DIAPH2: variants seen among roughly 807,000 people sequenced by gnomAD.
DIAPH2 encodes the protein diaphanous related formin 2, also known as protein diaphanous homolog 2.
In DIAPH2, 35 loss-of-function variants were observed where a neutral mutation model predicts 92.7. The observed-to-expected ratio is 0.38, with a 90% CI of 0.29 to 0.50. DIAPH2 has a LOEUF of 0.50. DIAPH2 is among the 20% of genes least tolerant of loss of function. The pLI is 0.94. For synonymous variants in DIAPH2, 301 were observed against 280.4 expected, an observed-to-expected ratio of 1.07 and a Z score of -0.73; for missense variants, 701 against 819.5, an observed-to-expected ratio of 0.86 and a Z score of 1.77.
intron 19 of DIAPH2, among the ~76,000 whole-genome samples, chrX:97,087,890 C>T (rs2066794763): frequency 9.1e-6 from 1 of 110,468 alleles, no homozygotes; most frequent in African/African-American, 3.3e-5. Flanking sequence ...TTTTCATCCC[C>T]TCTCTCTTCT....
At chrX:96,747,856 A>G (rs1325803495) in intron 3 of DIAPH2, among the ~76,000 whole-genome samples, 1 of 112,400 alleles carries the variant, frequency 8.9e-6, no homozygotes, top group Non-Finnish European at 1.9e-5. Flanking sequence ...CTTAAAATCT[A>G]TAATAAGCCA....
chrX:97,119,512 A>G (rs907592921), intron 21 of DIAPH2, among the ~76,000 whole-genome samples: 2 of 111,728 alleles, frequency 1.8e-5, no homozygotes, highest in Non-Finnish European at 3.8e-5. Context: ...TTAATGTTCT[A>G]TTTTTGTGCT....
At chrX:97,226,794 T>C (rs1040318299) in intron 22 of DIAPH2, among the ~76,000 whole-genome samples, 1 of 112,424 alleles carries the variant, frequency 8.9e-6, no homozygotes, top group Non-Finnish European at 1.9e-5. Flanking sequence ...TGTATATATA[T>C]GTATATATGT....
chrX:97,069,303 A>T (rs1218120723), intron 17 of DIAPH2, among the ~76,000 whole-genome samples: 1 of 111,125 alleles, frequency 9.0e-6, no homozygotes, highest in Admixed American at 9.6e-5. Context: ...CATATTTCTT[A>T]TAATATGATG....
intron 25 of DIAPH2, among the ~76,000 whole-genome samples, chrX:97,393,019 G>A (rs1373668056): frequency 9.0e-6 from 1 of 111,198 alleles, no homozygotes; most frequent in Admixed American, 9.7e-5. Context: ...AGTCAGGCAG[G>A]GGAGTTGTGG....
chrX:96,734,497 C>T (rs1394399321), intron 1 of DIAPH2, among the ~76,000 whole-genome samples: 2 of 111,258 alleles, frequency 1.8e-5, no homozygotes, highest in Non-Finnish European at 3.8e-5. Flanking sequence ...GGAGAAAATA[C>T]CTGGTAGAGA....
intron 22 of DIAPH2, among the ~76,000 whole-genome samples, chrX:97,234,780 G>A (rs1039455521): frequency 1.8e-5 from 2 of 111,613 alleles, no homozygotes; most frequent in Non-Finnish European, 3.8e-5. Context: ...CAGGCCATAC[G>A]AAAACAGGCA....
chrX:96,716,651 A>G (rs1192658962), intron 1 of DIAPH2, among the ~76,000 whole-genome samples: 1 of 110,988 alleles, frequency 9.0e-6, no homozygotes, highest in Non-Finnish European at 1.9e-5. Context: ...TTCCATCCCC[A>G]AACTGAGAAT....
intron 23 of DIAPH2, among the ~76,000 whole-genome samples, chrX:97,269,877 C>T (rs1176042235): frequency 1.7e-4 from 19 of 108,758 alleles, no homozygotes; most frequent in Non-Finnish European, 3.4e-4. Flanking sequence ...CTCAGCCTCC[C>T]GAGTAGCTGG....
rs139783054 is a variant in DIAPH2 at position 97,299,459 on chromosome X, A to C, written c.2845-48657A>C. 2.2e-3 allele frequency among the ~76,000 whole-genome samples: 247 copies of C among 111,717 alleles called. 2 individuals are homozygous for C. Among genetic ancestry groups the C allele is most frequent in the African/African-American group, 7.6e-3 (235 of 30,821 alleles). On this transcript the variant is annotated intron_variant, in intron 23 of 26. Coordinates refer to ENST00000324765, the MANE Select transcript of DIAPH2 (RefSeq NM_006729.5). ...CATAGCTTGAAATTTATCTTGTAATAATGCATTAATGGAAAAATAGGAAGA... is the reference window on the plus strand; with the variant it reads ...CATAGCTTGAAATTTATCTTGTAATCATGCATTAATGGAAAAATAGGAAGA...
intron 4 of DIAPH2, among the ~76,000 whole-genome samples, chrX:96,815,631 C>A (rs930278108): frequency 9.0e-6 from 1 of 111,518 alleles, no homozygotes; most frequent in Non-Finnish European, 1.9e-5. Context: ...AGCTGCAGAC[C>A]GGAGCTGTTC....
intron 4 of DIAPH2, among the ~76,000 whole-genome samples, chrX:96,815,506 G>T (rs979185796): frequency 4.5e-5 from 5 of 112,071 alleles, no homozygotes; most frequent in African/African-American, 6.5e-5. Flanking sequence ...GTCCCGCCCT[G>T]CTTCGTCTCG....
chrX:97,436,096 T>C (rs1042289559), intron 26 of DIAPH2, among the ~76,000 whole-genome samples: 5 of 111,925 alleles, frequency 4.5e-5, no homozygotes, highest in South Asian at 3.7e-4. Context: ...TGAGCCACCG[T>C]GCCCAGCCAG....
Position 96,754,923 on chromosome X carries a change from CAAAAAAAAAA to C in DIAPH2, c.343-3211_343-3202del, listed in dbSNP as rs1007573600. Among the ~76,000 whole-genome samples the C allele has an allele frequency of 1.5e-3, 24 of 16,004 alleles. No homozygotes were observed. The East Asian group carries it at 0.021, about 14-fold the overall frequency. 13.9% of individuals were successfully genotyped at this position (16,004 alleles called of 115,157 possible). A position where few individuals can be genotyped will look rare whatever the true frequency, so the allele number is the denominator to read the frequency against. ...TGGGCAACAGAGCAAGTCTCCACCT[CAAAAAAAAAA>C]AAAAAAAAAAAAAAAAAAAGGAAAT... On this transcript the variant is annotated intron_variant, in intron 3 of 26. Coordinates refer to ENST00000324765, the MANE Select transcript of DIAPH2 (RefSeq NM_006729.5).
At chrX:97,224,478 T>C (rs1022845227) in intron 22 of DIAPH2, among the ~76,000 whole-genome samples, 2 of 112,433 alleles carry the variant, frequency 1.8e-5, no homozygotes, top group African/African-American at 6.5e-5. Flanking sequence ...GAAAGATTGC[T>C]AAACAGAAAT....
chrX:96,927,172 A>C (rs2065587946), intron 9 of DIAPH2, among the ~76,000 whole-genome samples: 1 of 110,854 alleles, frequency 9.0e-6, no homozygotes, highest in African/African-American at 3.3e-5. Flanking sequence ...AAATCATCCA[A>C]TCTTTCTAGG....
At chrX:97,113,881 T>A (rs1179277360) in intron 20 of DIAPH2, among the ~76,000 whole-genome samples, 1 of 111,621 alleles carries the variant, frequency 9.0e-6, no homozygotes, top group Non-Finnish European at 1.9e-5. Context: ...TTCATGTGTG[T>A]CTACCTCTCC....
chrX:97,489,631 G>A lies in DIAPH2; in HGVS notation c.3241+59886G>A, dbSNP rs1377269922. Among the ~76,000 whole-genome samples, 6 of 110,920 alleles carry A rather than the reference G, an allele frequency of 5.4e-5. No individual in the cohort carries two copies. In the East Asian group the frequency reaches 1.7e-3, roughly 31 times the overall value. On this transcript the variant is annotated intron_variant, in intron 26 of 26. Coordinates refer to ENST00000324765, the MANE Select transcript of DIAPH2 (RefSeq NM_006729.5). ...TCCTTGTATGTCTAATTTATTGATA[G>A]TGTTTATCATGGAAAGGTGTTGAAT... is the stretch of plus-strand genomic sequence containing the variant.
intron 21 of DIAPH2, among the ~76,000 whole-genome samples, chrX:97,138,381 AATG>A (rs2067187394): frequency 1.4e-5 from 1 of 72,865 alleles, no homozygotes; most frequent in African/African-American, 4.8e-5. Flanking sequence ...AGGAAAAAGA[AATG>A]ATCAAAATCA....
Sources: gnomAD v4.1 joint callset for allele counts (sites outside exome capture counted in the v4.1 genomes callset) on GRCh38, gnomAD v4.1.1 for gene constraint, MANE v1.5 for transcripts, NCBI Gene and HGNC (gene_info 2026-07-23, HGNC 2026-07-21) for gene names.